SETBP1: variants seen among roughly 807,000 people sequenced by gnomAD.
The protein encoded by SETBP1 is SET-binding protein.
In SETBP1, 9 loss-of-function variants were observed where a neutral mutation model predicts 101.0. The observed-to-expected ratio is 0.09, with a 90% CI of 0.05 to 0.16. The LOEUF (loss-of-function observed/expected upper bound fraction) is 0.16. Ranked by LOEUF, SETBP1 falls within the 10% of genes least tolerant of loss-of-function variation. The pLI is 1.00. For missense variants in SETBP1, 1,858 were observed against 2,033.8 expected (o/e 0.91, Z 1.66); for synonymous variants, 818 against 788.5 (o/e 1.04, Z -0.63).
chr18:45,026,257 T>C (rs750784002), intron 4 of SETBP1, among the ~76,000 whole-genome samples: 1 of 152,214 alleles, frequency 6.6e-6, no homozygotes, highest in Non-Finnish European at 1.5e-5. Flanking sequence ...ATAACAAGCA[T>C]ACACCAGGAG....
At chr18:44,699,998 A>G (rs923562961) in intron 1 of SETBP1, among the ~76,000 whole-genome samples, 1 of 152,164 alleles carries the variant, frequency 6.6e-6, no homozygotes, top group African/African-American at 2.4e-5. Context: ...ATGTACAGTC[A>G]TGTCTTCTGC....
At chr18:44,846,623 A>G (rs912912162) in intron 2 of SETBP1, among the ~76,000 whole-genome samples, 1 of 152,244 alleles carries the variant, frequency 6.6e-6, no homozygotes, top group African/African-American at 2.4e-5. Context: ...CCTGAGCTAG[A>G]AATAGGGAAG....
At chr18:44,976,050 T>A in intron 4 of SETBP1, among the ~76,000 whole-genome samples, 1 of 148,210 alleles carries the variant, frequency 6.7e-6, no homozygotes, top group East Asian at 2.0e-4. Context: ...CAGTGTTTAG[T>A]AAGTCGAGCT....
At chr18:44,837,036 C>T (rs1367688211) in intron 2 of SETBP1, among the ~76,000 whole-genome samples, 1 of 152,206 alleles carries the variant, frequency 6.6e-6, no homozygotes, top group African/African-American at 2.4e-5. Context: ...CTCCAGCCCT[C>T]ACCAAGGATT....
intron 2 of SETBP1, among the ~76,000 whole-genome samples, chr18:44,842,786 T>C (rs973483384): frequency 6.6e-6 from 1 of 152,218 alleles, no homozygotes; most frequent in Admixed American, 6.5e-5. Context: ...GGACTTCCAT[T>C]TGGACACCCT....
rs1032804776 is a variant in SETBP1, at chr18:45,057,224, G to A, written c.4172-5855G>A. Among the ~76,000 whole-genome samples, 4 of 152,080 alleles carry A rather than the reference G, an allele frequency of 2.6e-5. No individual in the cohort carries two copies. The South Asian group carries it at 8.3e-4, about 32-fold the overall frequency. ...CATCTTTTTCAAAAGAGCTTTTAAG[G>A]CCAGGACTGTAGAAGGTTAATTTAA... On this transcript the variant is annotated intron_variant, in intron 5 of 5. Transcript: ENST00000649279.
At chr18:44,821,528 G>T (rs1317447164) in intron 2 of SETBP1, among the ~76,000 whole-genome samples, 2 of 152,110 alleles carry the variant, frequency 1.3e-5, no homozygotes, top group Non-Finnish European at 2.9e-5. Context: ...CCCATGGCTG[G>T]ACCCATGCCT....
chr18:44,933,855 T>C (rs2070894801), intron 3 of SETBP1, among the ~76,000 whole-genome samples: 1 of 152,180 alleles, frequency 6.6e-6, no homozygotes, highest in South Asian at 2.1e-4. Flanking sequence ...TGTCATGGTT[T>C]CCCTTTGCTA....
At chr18:44,854,464 G>C (rs189678101) in intron 2 of SETBP1, among the ~76,000 whole-genome samples, 7 of 152,280 alleles carry the variant, frequency 4.6e-5, no homozygotes, top group Middle Eastern at 3.4e-3. Flanking sequence ...CTGCAGCCAA[G>C]ACAAGCTATG....
At position 44,788,920 on chromosome 18, in the gene SETBP1, C is replaced by T. The variant is rs371286936; in HGVS notation, c.487-80310C>T. ...TCAGGTGATCCTCCCATCTCAGCCTCATGAGTAGCTTAGCCGGGACTACAG... is the reference window on the plus strand; with the variant it reads ...TCAGGTGATCCTCCCATCTCAGCCTTATGAGTAGCTTAGCCGGGACTACAG... On this transcript the variant is annotated intron_variant, in intron 2 of 5. Transcript: ENST00000649279. 9.3e-5 allele frequency among the ~76,000 whole-genome samples: 14 copies of T among 150,630 alleles called. No homozygotes were observed. In the East Asian group the frequency reaches 2.4e-3, roughly 26 times the overall value.
chr18:44,730,220 A>C (rs879296222), intron 2 of SETBP1, among the ~76,000 whole-genome samples: 1 of 152,140 alleles, frequency 6.6e-6, no homozygotes, highest in African/African-American at 2.4e-5. Context: ...AAAATTATAT[A>C]ATATAGGTTC....
chr18:44,993,165 A>C (rs1008887185), intron 4 of SETBP1, among the ~76,000 whole-genome samples: 1 of 152,038 alleles, frequency 6.6e-6, no homozygotes, highest in Admixed American at 6.5e-5. Context: ...TTATCCTAAT[A>C]AGAGATATCA....
Position 44,952,992 on chromosome 18 carries a change from G to A in SETBP1, c.3652G>A (p.Gly1218Ser), listed in dbSNP as rs1193855934. Residue 1218 changes from glycine to serine, a missense_variant, in exon 4 of 6, where the codon GGC becomes AGC. Gly to Ser is a moderately conservative substitution (Grantham distance 56, BLOSUM62 0). This residue lies in a region of SETBP1 where 417 missense variants were observed against 389.1 expected (regional missense o/e 1.07). Coordinates refer to ENST00000649279, the MANE Select transcript of SETBP1 (RefSeq NM_015559.3). ...EKQKHQHSEA[G>S]HKASKNNFEV... ...ACAGAAGCACCAGCACAGCGAAGCCGGCCACAAAGCTTCTAAGAACAACTT... is the reference window on the plus strand; with the variant it reads ...ACAGAAGCACCAGCACAGCGAAGCCAGCCACAAAGCTTCTAAGAACAACTT... 2.1e-5 allele frequency: 34 copies of A among 1,614,094 alleles called. No homozygotes were observed. The highest frequency in any genetic ancestry group is 1.6e-4 in the Middle Eastern group (1 of 6,062).
intron 2 of SETBP1, among the ~76,000 whole-genome samples, chr18:44,716,622 G>A (rs565457576): frequency 3.3e-5 from 5 of 152,244 alleles, no homozygotes; most frequent in Admixed American, 1.3e-4. Context: ...GAGTGCAGTG[G>A]TGCGATCTCG....
intron 3 of SETBP1, among the ~76,000 whole-genome samples, chr18:44,877,847 G>A (rs9965875): frequency 0.04 from 6,095 of 152,120 alleles, 128 homozygotes; most frequent in African/African-American, 0.06. Flanking sequence ...TGGCATTTCC[G>A]TGGAATATTC....
At chr18:44,929,417 G>A (rs985168593) in intron 3 of SETBP1, among the ~76,000 whole-genome samples, 2 of 152,116 alleles carry the variant, frequency 1.3e-5, no homozygotes, top group African/African-American at 4.8e-5. Context: ...TGGCAATGTG[G>A]GCTCTTTTTT....
At position 44,950,568 on chromosome 18, in the gene SETBP1, T is replaced by C. The variant is rs750762528; in HGVS notation, c.1228T>C (p.Ser410Pro). The C allele has an allele frequency of 2.0e-5, 33 of 1,613,876 alleles. No homozygotes were observed. The highest frequency in any genetic ancestry group is 4.4e-5 in the South Asian group (4 of 91,080). The change falls in exon 4 of 6, where the codon TCT (serine) becomes CCT (proline). Residue 410 changes from serine to proline, a missense_variant. Physicochemically the swap from Ser to Pro is moderately conservative, Grantham distance 74 (BLOSUM62 -1). Coordinates refer to ENST00000649279, the MANE Select transcript of SETBP1 (RefSeq NM_015559.3). Reference protein sequence around the residue: ...VRITIPIKAPSLDPTNHKRKK... With the variant: ...VRITIPIKAPPLDPTNHKRKK... ...GATTACTATCCCCATCAAGGCACCC[T>C]CTCTGGATCCAACCAACCATAAGAG...
chr18:44,938,561 T>C (rs2071014228), intron 3 of SETBP1, among the ~76,000 whole-genome samples: 1 of 152,212 alleles, frequency 6.6e-6, no homozygotes. Flanking sequence ...GGAGGAGCCA[T>C]TACCCAGATG....
chr18:44,861,804 G>T (rs886197573), intron 2 of SETBP1, among the ~76,000 whole-genome samples: 4 of 152,116 alleles, frequency 2.6e-5, no homozygotes, highest in Admixed American at 2.6e-4. Context: ...CCCAAAAACC[G>T]CAGAAGATGC....
Sources: gnomAD v4.1 joint callset for allele counts (sites outside exome capture counted in the v4.1 genomes callset) on GRCh38, gnomAD v4.1.1 for gene constraint, gnomAD v4.1.1 regional missense constraint, MANE v1.5 for transcripts, NCBI Gene and HGNC (gene_info 2026-07-23, HGNC 2026-07-21) for gene names.